The following ULK4 variants were observed in gnomAD, a reference collection of about 807,000 sequenced individuals.
ULK4 encodes unc-51 like kinase 4.
ULK4 carries 133 observed loss-of-function variants against 160.6 expected under a neutral mutation model. The ratio of observed to expected loss-of-function variants is 0.83; its 90% confidence interval spans 0.72 to 0.96. The LOEUF is 0.96. Ranked by LOEUF, ULK4 falls within the 40% of genes least tolerant of loss-of-function variation. The pLI is 0.00. For missense variants in ULK4, 1,580 were observed against 1,499.5 expected (o/e 1.05, Z -0.89); for synonymous variants, 534 against 539.8 (o/e 0.99, Z 0.15).
chr3:41,656,053 T>G (rs1470477948), intron 30 of ULK4, among the ~76,000 whole-genome samples: 1 of 152,206 alleles, frequency 6.6e-6, no homozygotes, highest in African/African-American at 2.4e-5. Context: ...AGTTTTTTTC[T>G]GCTATTGAAA....
At chr3:41,395,090 C>A (rs1321250289) in intron 35 of ULK4, among the ~76,000 whole-genome samples, 1 of 150,932 alleles carries the variant, frequency 6.6e-6, no homozygotes, top group African/African-American at 2.4e-5. Flanking sequence ...CTAATCACCA[C>A]ACAGAAAGGC....
chr3:41,470,107 A>G (rs1369015889), intron 32 of ULK4, among the ~76,000 whole-genome samples: 2 of 151,670 alleles, frequency 1.3e-5, no homozygotes, highest in Non-Finnish European at 2.9e-5. Context: ...ATAGATGCCA[A>G]CATTCAGGTA....
chr3:41,457,500 T>C (rs1052769228), intron 33 of ULK4, among the ~76,000 whole-genome samples: 6 of 152,040 alleles, frequency 3.9e-5, no homozygotes, highest in Non-Finnish European at 8.8e-5. Flanking sequence ...AAGAAAGACA[T>C]TAGAAATTCC....
chr3:41,459,430 C>T (rs780220738), intron 33 of ULK4, among the ~76,000 whole-genome samples: 16 of 152,056 alleles, frequency 1.1e-4, no homozygotes, highest in East Asian at 1.9e-4. Context: ...GTCAATGGTG[C>T]GGCTCGGATC....
At chr3:41,639,749 G>A (rs142608325) in intron 30 of ULK4, among the ~76,000 whole-genome samples, 311 of 152,174 alleles carry the variant, frequency 2.0e-3, no homozygotes, top group African/African-American at 7.2e-3. Context: ...ACATGTATCT[G>A]TCAAAGTATA....
chr3:41,865,751 A>C (rs2125688536), intron 17 of ULK4, among the ~76,000 whole-genome samples: 1 of 152,180 alleles, frequency 6.6e-6, no homozygotes, highest in African/African-American at 2.4e-5. Context: ...AATTTAAAAA[A>C]CCCTCAATTC....
intron 35 of ULK4, among the ~76,000 whole-genome samples, chr3:41,349,173 TC>T (rs2080863456): frequency 6.6e-6 from 1 of 152,192 alleles, no homozygotes; most frequent in African/African-American, 2.4e-5. Flanking sequence ...CCTACTGAAT[TC>T]ACCATATGCC....
chr3:41,824,454 G>C (rs2041269789), intron 18 of ULK4, among the ~76,000 whole-genome samples: 1 of 152,134 alleles, frequency 6.6e-6, no homozygotes, highest in African/African-American at 2.4e-5. Flanking sequence ...GGAAAATCGG[G>C]TCACTCGCAC....
intron 30 of ULK4, among the ~76,000 whole-genome samples, chr3:41,660,065 G>A (rs559040094): frequency 3.3e-5 from 5 of 152,302 alleles, no homozygotes; most frequent in South Asian, 4.1e-4. Context: ...CAAGGTGGGC[G>A]TATCACCTGA....
intron 18 of ULK4, among the ~76,000 whole-genome samples, chr3:41,832,259 T>G (rs2041617681): frequency 6.6e-6 from 1 of 152,240 alleles, no homozygotes; most frequent in Non-Finnish European, 1.5e-5. Flanking sequence ...GGTATCTCAT[T>G]GTGGTTTTGA....
intron 35 of ULK4, among the ~76,000 whole-genome samples, chr3:41,384,693 T>C (rs1575495460): frequency 6.6e-6 from 1 of 152,236 alleles, no homozygotes; most frequent in Admixed American, 6.5e-5. Context: ...CAAGCGATTC[T>C]CCTGCCTCGG....
chr3:41,412,146 G>A (rs777913828), intron 34 of ULK4, among the ~76,000 whole-genome samples: 38 of 152,228 alleles, frequency 2.5e-4, no homozygotes, highest in South Asian at 8.3e-4. Flanking sequence ...CAATTTTCAC[G>A]TAAGTACCAA....
At chr3:41,293,691 A>G (rs914708003) in intron 35 of ULK4, among the ~76,000 whole-genome samples, 1 of 152,206 alleles carries the variant, frequency 6.6e-6, no homozygotes, top group African/African-American at 2.4e-5. Context: ...CAATGGTAAA[A>G]TAATAGTAGC....
At chr3:41,495,823 A>C (rs1194333614) in intron 32 of ULK4, among the ~76,000 whole-genome samples, 1 of 152,010 alleles carries the variant, frequency 6.6e-6, no homozygotes, top group Non-Finnish European at 1.5e-5. Flanking sequence ...AAGACACATG[A>C]AAAAATGCTC....
intron 35 of ULK4, among the ~76,000 whole-genome samples, chr3:41,363,808 T>G (rs558434355): frequency 6.6e-6 from 1 of 152,354 alleles, no homozygotes; most frequent in Admixed American, 6.5e-5. Flanking sequence ...TTTGAATATC[T>G]ATCTGCTGTA....
Position 41,463,174 on chromosome 3 carries a change from C to G in ULK4, c.3306G>C (p.Glu1102Asp). 6.2e-7 allele frequency: 1 copy of G among 1,613,732 alleles called. No individual in the cohort carries two copies. Among genetic ancestry groups the G allele is most frequent in the South Asian group, 1.1e-5 (1 of 91,068 alleles). ...CLDVDNKNNN[E>D]MAAPLLFSLL... ...GGGAAAAGAGCAGTGGAGCTGCCAT[C>G]TCATTGTTGTTTTTATTGTCCACAT... The change falls in exon 33 of 37, where the codon GAG becomes GAC. Residue 1102 changes from glutamate to aspartate, a missense_variant. Coordinates refer to ENST00000301831, the MANE Select transcript of ULK4 (RefSeq NM_017886.4).
At chr3:41,704,201 G>A (rs2036784291) in intron 27 of ULK4, among the ~76,000 whole-genome samples, 1 of 152,160 alleles carries the variant, frequency 6.6e-6, no homozygotes. Context: ...TCTAAAAGCA[G>A]TCACTATTGC....
chr3:41,352,032 G>T (rs1238816432), intron 35 of ULK4, among the ~76,000 whole-genome samples: 1 of 152,198 alleles, frequency 6.6e-6, no homozygotes, highest in East Asian at 1.9e-4. Flanking sequence ...GAGGTAGTCA[G>T]GGAAAATAAG....
At chr3:41,953,692 T>C (rs1339919095) in intron 2 of ULK4, among the ~76,000 whole-genome samples, 1 of 151,950 alleles carries the variant, frequency 6.6e-6, no homozygotes, top group African/African-American at 2.4e-5. Context: ...ATTGCAGAGG[T>C]TGGGGGAACC....
Sources: allele counts gnomAD v4.1 joint callset (sites outside exome capture counted in the v4.1 genomes callset), GRCh38; gene constraint gnomAD v4.1.1; transcripts MANE v1.5; gene names NCBI Gene and HGNC (gene_info 2026-07-23, HGNC 2026-07-21).